The following ARHGAP28 variants were observed in gnomAD, a reference collection of about 807,000 sequenced individuals.
ARHGAP28 encodes the protein rho GTPase-activating protein 28.
In ARHGAP28, 56 loss-of-function variants were observed where a neutral mutation model predicts 90.7. The observed-to-expected ratio is 0.62, with a 90% CI of 0.50 to 0.77. ARHGAP28 has a LOEUF of 0.77. ARHGAP28 is among the 30% of genes least tolerant of loss of function. ARHGAP28 has a pLI of 0.00. For missense variants in ARHGAP28, 869 were observed against 900.9 expected, an observed-to-expected ratio of 0.96 and a Z score of 0.45; for synonymous variants, 308 against 323.3, an observed-to-expected ratio of 0.95 and a Z score of 0.51.
chr18:6,744,941 TTAA>T (rs34485554), intron 1 of ARHGAP28, among the ~76,000 whole-genome samples: 6,090 of 151,954 alleles, frequency 0.04, 403 homozygotes, highest in African/African-American at 0.14. Context: ...TGTGCTAGAT[TTAA>T]TAATTTCATT....
chr18:6,813,570 AT>A lies in ARHGAP28; in HGVS notation c.123-11189del, dbSNP rs200500388. On this transcript the variant is annotated intron_variant, in intron 1 of 17. Coordinates refer to ENST00000383472, the MANE Select transcript of ARHGAP28 (RefSeq NM_001366230.1). ...ATATTTTATAGTAAAAATATACTCA[AT>A]TTGATAACTTATTTTGTCATATGCT... is the stretch of plus-strand genomic sequence containing the variant. Among the ~76,000 whole-genome samples the A allele has an allele frequency of 6.5e-4, 99 of 152,308 alleles. No homozygotes were observed. The East Asian group carries it at 0.012, about 19-fold the overall frequency.
rs548684544 is a variant in ARHGAP28 at position 6,797,835 on chromosome 18, T to C, written c.123-26927T>C. On this transcript the variant is annotated intron_variant, in intron 1 of 17. Coordinates refer to ENST00000383472, the MANE Select transcript of ARHGAP28 (RefSeq NM_001366230.1). Reference sequence around the variant, plus strand: ...CGCCACCACACCCGGCTAATTTTTGTATTTTTAGTAGAGACAGGGTTTCAC... The same window carrying C: ...CGCCACCACACCCGGCTAATTTTTGCATTTTTAGTAGAGACAGGGTTTCAC... 1.9e-4 allele frequency among the ~76,000 whole-genome samples: 29 copies of C among 152,238 alleles called. No individual in the cohort carries two copies. The East Asian group carries it at 5.4e-3, about 28-fold the overall frequency.
At chr18:6,732,779 A>G (rs1276945958) in intron 1 of ARHGAP28, among the ~76,000 whole-genome samples, 1 of 152,194 alleles carries the variant, frequency 6.6e-6, no homozygotes. Context: ...CAATTACTAC[A>G]ATGTGGCCTT....
At chr18:6,880,890 C>T (rs2057172866) in intron 10 of ARHGAP28, among the ~76,000 whole-genome samples, 1 of 152,204 alleles carries the variant, frequency 6.6e-6, no homozygotes, top group Non-Finnish European at 1.5e-5. Context: ...CTCATGCATC[C>T]TCTTTTCAGA....
chr18:6,890,399 C>T, intron 13 of ARHGAP28, 31 bp from the exon 14 acceptor site: 1 of 1,422,172 alleles, frequency 7.0e-7, no homozygotes, highest in East Asian at 2.3e-5. Flanking sequence ...CAAGTGTTTT[C>T]CATCCAGTCC....
At chr18:6,858,549 CT>C (rs11403300) in intron 4 of ARHGAP28, among the ~76,000 whole-genome samples, 20 of 148,186 alleles carry the variant, frequency 1.3e-4, no homozygotes, top group South Asian at 2.1e-4. Context: ...AAATTTCTTT[CT>C]TTTTTTTTTT....
At chr18:6,908,726 C>T (rs2057377960) in intron 16 of ARHGAP28, among the ~76,000 whole-genome samples, 1 of 152,196 alleles carries the variant, frequency 6.6e-6, no homozygotes. Flanking sequence ...TGTAGTGGAG[C>T]ACTGCGGCTG....
chr18:6,783,596 C>T (rs574232997), intron 1 of ARHGAP28, among the ~76,000 whole-genome samples: 24 of 152,142 alleles, frequency 1.6e-4, no homozygotes, highest in African/African-American at 4.6e-4. Flanking sequence ...CCACCATGAC[C>T]GGCCTGGGTA....
intron 6 of ARHGAP28, among the ~76,000 whole-genome samples, chr18:6,868,919 C>T (rs2057059381): frequency 6.6e-6 from 1 of 152,046 alleles, no homozygotes; most frequent in Non-Finnish European, 1.5e-5. Flanking sequence ...GGCAGGTACA[C>T]TTTAAATGGG....
chr18:6,831,469 ATGT>A (rs1189447456), intron 2 of ARHGAP28, among the ~76,000 whole-genome samples: 22 of 50,488 alleles, frequency 4.4e-4, no homozygotes, highest in Non-Finnish European at 3.8e-4. Flanking sequence ...TTGTATCTTG[ATGT>A]TTTTTTTTTT....
chr18:6,908,758 C>T (rs2057378202), intron 16 of ARHGAP28, among the ~76,000 whole-genome samples: 1 of 152,122 alleles, frequency 6.6e-6, no homozygotes, highest in African/African-American at 2.4e-5. Context: ...GGGAGCAGTC[C>T]CGTCCTCCCT....
intron 1 of ARHGAP28, chr18:6,774,133 G>A (rs1385430586): frequency 6.6e-6 from 1 of 152,212 alleles, no homozygotes; most frequent in African/African-American, 2.4e-5. Context: ...GTGGGCTGGG[G>A]ATGGCTTCCC....
In ARHGAP28 at chr18:6,869,624, CTA is replaced by C. The variant is rs533992477; in HGVS notation, c.812-964_812-963del. On this transcript the variant is annotated intron_variant, in intron 6 of 17. Transcript: ENST00000383472. ...ATTATTGTGTTTTTAATTAGCATCA[CTA>C]TTCAGAATTTTTATATCTGTTGACT... Among the ~76,000 whole-genome samples, 278 of 152,208 alleles carry C rather than the reference CTA, an allele frequency of 1.8e-3. 1 individual carries two copies. The highest frequency in any genetic ancestry group is 6.3e-3 in the African/African-American group (263 of 41,524).
rs990422221 is a variant in ARHGAP28, at chr18:6,729,973, G to C, written c.122+30G>C. ...CCGGAGCCGCTCCCACCAGGGCGGC[G>C]CAGTCGCGCTGGGCTTGGGGGGTTC... On this transcript the variant is annotated intron_variant, in intron 1 of 17. Transcript: ENST00000383472. The C allele has an allele frequency of 6.8e-6, 9 of 1,322,828 alleles. No individual in the cohort carries two copies. The African/African-American group carries it at 1.2e-4, about 18-fold the overall frequency. The allele number at this position is 1,322,828 out of a possible 1,614,324, so 81.9% of individuals were successfully genotyped here.
chr18:6,890,109 T>G lies in ARHGAP28; in HGVS notation c.1734+24T>G, dbSNP rs769039828. On this transcript the variant is annotated intron_variant, in intron 13 of 17. Coordinates refer to ENST00000383472, the MANE Select transcript of ARHGAP28 (RefSeq NM_001366230.1). ...AGGTGAGTGACATAGTGATGACAGGTCCCCCTCAGAAGTCCATGTCCCCAG... is the reference window on the plus strand; with the variant it reads ...AGGTGAGTGACATAGTGATGACAGGGCCCCCTCAGAAGTCCATGTCCCCAG... 27 of 1,612,642 alleles carry G rather than the reference T, an allele frequency of 1.7e-5. No individual in the cohort carries two copies. In the Admixed American group the frequency reaches 4.3e-4, roughly 26 times the overall value.
chr18:6,856,427 A>T (rs972878084), intron 4 of ARHGAP28, among the ~76,000 whole-genome samples: 2 of 152,144 alleles, frequency 1.3e-5, no homozygotes, highest in African/African-American at 2.4e-5. Flanking sequence ...AATAATTTTT[A>T]TGTTTTCTTA....
intron 1 of ARHGAP28, among the ~76,000 whole-genome samples, chr18:6,787,476 A>G (rs896089455): frequency 6.6e-6 from 1 of 152,048 alleles, no homozygotes; most frequent in African/African-American, 2.4e-5. Flanking sequence ...ACTGGGGAAA[A>G]CTTCTTTCAT....
In ARHGAP28 at chr18:6,896,503, C is replaced by G; in HGVS notation, c.1907C>G (p.Ser636Cys). The G allele has an allele frequency of 1.2e-6, 2 of 1,614,032 alleles. No individual in the cohort carries two copies. Among genetic ancestry groups the G allele is most frequent in the Middle Eastern group, 1.7e-4 (1 of 6,056 alleles). The change falls in exon 16 of 18, where the codon TCT (serine) becomes TGT (cysteine). Residue 636 changes from serine (S) to cysteine (C), a missense_variant and splice_region_variant. By Grantham distance (112) the Ser-to-Cys change is moderately radical. Transcript: ENST00000383472. Reference sequence around the variant, plus strand: ...TACTGAATTTCTCCTCCTTGGCAGTCTGACGTGCCGGAAGGAGTCATACGG... The same window carrying G: ...TACTGAATTTCTCCTCCTTGGCAGTGTGACGTGCCGGAAGGAGTCATACGG... ...LQKSPSARRM[S>C]DVPEGVIRVH...
intron 3 of ARHGAP28, among the ~76,000 whole-genome samples, chr18:6,848,614 G>A (rs1227096605): frequency 1.3e-5 from 2 of 152,174 alleles, no homozygotes; most frequent in African/African-American, 4.8e-5. Flanking sequence ...TGAGTGGAAT[G>A]TTTATGAAAT....
Sources: gnomAD v4.1 joint callset for allele counts (sites outside exome capture counted in the v4.1 genomes callset) on GRCh38, gnomAD v4.1.1 for gene constraint, MANE v1.5 for transcripts, NCBI Gene and HGNC (gene_info 2026-07-23, HGNC 2026-07-21) for gene names.